Variants in CDC42EP4 observed in about 807,000 individuals in gnomAD.
The protein encoded by CDC42EP4 is CDC42 effector protein 4, also known as CDC42 effector protein (Rho GTPase binding) 4.
CDC42EP4 carries 6 observed loss-of-function variants against 5.6 expected under a neutral mutation model. That is an observed-to-expected ratio of 1.07 (90% CI 0.59 to 2.12). CDC42EP4 has a LOEUF of 2.12. Among genes scored for constraint, CDC42EP4 ranks in the 30% most tolerant of loss-of-function variants. The pLI is 0.00. For missense variants in CDC42EP4, 490 were observed against 508.6 expected (o/e 0.96, Z 0.35); for synonymous variants, 230 against 224.2 (o/e 1.03, Z -0.23).
chr17:73,300,142 C>G (rs890019157), intron 1 of CDC42EP4, among the ~76,000 whole-genome samples: 1 of 152,184 alleles, frequency 6.6e-6, no homozygotes, highest in African/African-American at 2.4e-5. Flanking sequence ...GCCCGCGTGC[C>G]AATCCATGCC....
In CDC42EP4 at chr17:73,303,085, T is replaced by C. The variant is rs1345044535; in HGVS notation, c.-113+8808A>G. Among the ~76,000 whole-genome samples, 6 of 149,780 alleles carry C rather than the reference T, an allele frequency of 4.0e-5. No homozygotes were observed. In the East Asian group the frequency reaches 1.2e-3, roughly 29 times the overall value. On this transcript the variant is annotated intron_variant, in intron 1 of 1. Coordinates refer to ENST00000335793, the MANE Select transcript of CDC42EP4 (RefSeq NM_012121.5). ...TTGGCCAGGCGCGGTGGCTCACGCC[T>C]GTAATCCCAGAACTTTGGGAGGCTG...
rs757179753 is a variant in CDC42EP4, at chr17:73,285,966, G to C, written c.535C>G (p.Leu179Val). The change falls in exon 2 of 2, where the codon CTC becomes GTC. Residue 179 changes from leucine to valine, a missense_variant. Leu to Val is a conservative substitution (Grantham distance 32). Coordinates refer to ENST00000335793, the MANE Select transcript of CDC42EP4 (RefSeq NM_012121.5). This position sits in a 1 kb window ranked among gnomAD's most constrained non-coding sequence, Gnocchi z 6.8. ...AAGPHSPDPL[L>V]DEQAFGDLTD... ...AGATCCCCAAAGGCCTGCTCATCGA[G>C]GAGGGGGTCAGGGGAATGTGGACCC... The C allele has an allele frequency of 2.5e-6, 4 of 1,613,716 alleles. No homozygotes were observed. The highest frequency in any genetic ancestry group is 2.5e-6 in the Non-Finnish European group (3 of 1,179,972).
intron 1 of CDC42EP4, among the ~76,000 whole-genome samples, chr17:73,293,446 GA>G: frequency 6.6e-6 from 1 of 151,182 alleles, no homozygotes; most frequent in African/African-American, 2.4e-5. Flanking sequence ...GAAAAGACAG[GA>G]TCAAATGGGA....
At chr17:73,308,782 C>T (rs750562407) in intron 1 of CDC42EP4, among the ~76,000 whole-genome samples, 1 of 151,876 alleles carries the variant, frequency 6.6e-6, no homozygotes, top group Non-Finnish European at 1.5e-5. Context: ...CGCCTGTAAT[C>T]CCGGCTCTTG....
chr17:73,301,663 C>T (rs1348103532), intron 1 of CDC42EP4, among the ~76,000 whole-genome samples: 2 of 151,820 alleles, frequency 1.3e-5, no homozygotes, highest in Non-Finnish European at 2.9e-5. Flanking sequence ...TCTTGTGCTT[C>T]AGCCTCCCAA....
At position 73,286,220 on chromosome 17, in the gene CDC42EP4, CT is replaced by C. The variant is rs778735877; in HGVS notation, c.280del (p.Arg94GlyfsTer51). On this transcript the variant is annotated frameshift_variant, in exon 2 of 2. Coordinates refer to ENST00000335793, the MANE Select transcript of CDC42EP4 (RefSeq NM_012121.5). LOFTEE classifies it low-confidence loss of function (END_TRUNC). The surrounding 1 kb of genome is among the most constrained non-coding windows in gnomAD (Gnocchi z 7.7). ...CATGTCACGCTGCTCCCGCTCCCCC[CT>C]GGTCACCGACTGTGACCGCTTGCTG... is the stretch of plus-strand genomic sequence containing the variant. Reference protein sequence around the residue: ...RGSKRSQSVTRGEREQRDMLG... With the variant: ...RGSKRSQSVTXGEREQRDMLG... 9 of 1,614,090 alleles carry C rather than the reference CT, an allele frequency of 5.6e-6. No individual in the cohort carries two copies. Among genetic ancestry groups the C allele is most frequent in the South Asian group, 3.3e-5 (3 of 91,094 alleles).
chr17:73,285,733 G>A lies in CDC42EP4; in HGVS notation c.768C>T (p.Ala256=), dbSNP rs3751929. Residue 256 remains alanine (A), a synonymous_variant, in exon 2 of 2, where the codon GCC becomes GCT. Coordinates refer to ENST00000335793, the MANE Select transcript of CDC42EP4 (RefSeq NM_012121.5). This position sits in a 1 kb window ranked among gnomAD's most constrained non-coding sequence, Gnocchi z 6.8. The part of the protein sequence containing the change: ...AGTITQAPPY[A]VAAPPLARQE... Reference sequence around the variant, plus strand: ...GCCTTGCCAGGGGAGGGGCCGCCACGGCGTACGGGGGAGCCTGGGTGATGG... The same window carrying A: ...GCCTTGCCAGGGGAGGGGCCGCCACAGCGTACGGGGGAGCCTGGGTGATGG... 152 of 1,578,938 alleles carry A rather than the reference G, an allele frequency of 9.6e-5. No individual in the cohort carries two copies. In the East Asian group the frequency reaches 2.9e-3, roughly 31 times the overall value.
chr17:73,292,696 G>A (rs1045626070), intron 1 of CDC42EP4, among the ~76,000 whole-genome samples: 8 of 152,216 alleles, frequency 5.3e-5, no homozygotes, highest in African/African-American at 9.6e-5. Context: ...GGTCAGAAGC[G>A]ACCCAGGCAG....
intron 1 of CDC42EP4, among the ~76,000 whole-genome samples, chr17:73,302,938 G>A (rs947654333): frequency 5.3e-5 from 8 of 150,972 alleles, no homozygotes; most frequent in African/African-American, 2.0e-4. Context: ...CAGCTACTCG[G>A]GAGGCTGAGG....
intron 1 of CDC42EP4, among the ~76,000 whole-genome samples, chr17:73,290,029 C>T (rs1337883578): frequency 6.6e-6 from 1 of 152,232 alleles, no homozygotes; most frequent in Non-Finnish European, 1.5e-5. Context: ...CAGGCTTCTA[C>T]TGCCACCAGC....
chr17:73,295,297 C>T (rs73360807), intron 1 of CDC42EP4, among the ~76,000 whole-genome samples: 3,099 of 152,240 alleles, frequency 0.02, 102 homozygotes, highest in African/African-American at 0.071. Context: ...GGGAGCCGGG[C>T]GGTGCTGGAG....
intron 1 of CDC42EP4, among the ~76,000 whole-genome samples, chr17:73,290,340 A>C (rs2062155729): frequency 6.6e-6 from 1 of 152,176 alleles, no homozygotes; most frequent in South Asian, 2.1e-4. Context: ...CCGACCACTG[A>C]GTGCTCCTCC....
chr17:73,292,021 G>A (rs1034175817), intron 1 of CDC42EP4, among the ~76,000 whole-genome samples: 5 of 152,198 alleles, frequency 3.3e-5, no homozygotes, highest in African/African-American at 4.8e-5. Flanking sequence ...AAGGACAGAC[G>A]GGACCAACAC....
chr17:73,290,044 ACAC>A (rs2062154526), intron 1 of CDC42EP4, among the ~76,000 whole-genome samples: 2 of 152,316 alleles, frequency 1.3e-5, no homozygotes, highest in South Asian at 2.1e-4. Flanking sequence ...ACCAGCAGGG[ACAC>A]CAGTCAGGAA....
rs932343302 is a variant in CDC42EP4 at position 73,285,524 on chromosome 17, C to G, written c.977G>C (p.Arg326Pro). ...AGCAGCCCGGGCCCTGTCCGGCCCC[C>G]GGAAGGCAGGGCTGCGCTCCTCCAG... The part of the protein sequence containing the change: ...GILEERSPAF[R>P]GPDRARAAVS... Residue 326 changes from arginine (R) to proline (P), a missense_variant, in exon 2 of 2, where the codon CGG (arginine) becomes CCG (proline). Transcript: ENST00000335793. The surrounding 1 kb of genome is among the most constrained non-coding windows in gnomAD (Gnocchi z 6.8). 3 of 1,610,326 alleles carry G rather than the reference C, an allele frequency of 1.9e-6. No homozygotes were observed. The East Asian group carries it at 6.7e-5, about 36-fold the overall frequency.
At chr17:73,310,417 C>A (rs938233798) in intron 1 of CDC42EP4, among the ~76,000 whole-genome samples, 1 of 152,038 alleles carries the variant, frequency 6.6e-6, no homozygotes, top group African/African-American at 2.4e-5. Flanking sequence ...GAGAGATTTT[C>A]CCTCCAGCAC....
At chr17:73,311,113 C>T (rs2062272585) in intron 1 of CDC42EP4, 1 of 152,326 alleles carries the variant, frequency 6.6e-6, no homozygotes, top group Non-Finnish European at 1.5e-5. Flanking sequence ...GCCGTCTCCC[C>T]GGCTCCAAGG....
rs113061375 is a variant in CDC42EP4 at position 73,286,647 on chromosome 17, C to T, written c.-112-35G>A. 1.2e-4 allele frequency: 75 copies of T among 630,860 alleles called. No homozygotes were observed. The highest frequency in any genetic ancestry group is 1.1e-3 in the African/African-American group (59 of 54,528). 39.1% of individuals were successfully genotyped at this position (630,860 alleles called of 1,614,324 possible). A position where few individuals can be genotyped will look rare whatever the true frequency, so the allele number is the denominator to read the frequency against. On this transcript the variant is annotated intron_variant, in intron 1 of 1. Transcript: ENST00000335793. The surrounding 1 kb of genome is among the most constrained non-coding windows in gnomAD (Gnocchi z 7.7). ...GAGAATGAGAGGCAAAGGATTAACGCGGGCTGGCCACACGGCACAAAAGCC... is the reference window on the plus strand; with the variant it reads ...GAGAATGAGAGGCAAAGGATTAACGTGGGCTGGCCACACGGCACAAAAGCC...
intron 1 of CDC42EP4, among the ~76,000 whole-genome samples, chr17:73,301,508 G>C (rs2062219090): frequency 6.6e-6 from 1 of 152,134 alleles, no homozygotes; most frequent in African/African-American, 2.4e-5. Context: ...ATTTTCAGTT[G>C]AAACTCTGTA....
Sources: allele counts gnomAD v4.1 joint callset (sites outside exome capture counted in the v4.1 genomes callset), GRCh38; gene constraint gnomAD v4.1.1; non-coding constraint Gnocchi (gnomAD v3.1); transcripts MANE v1.5; gene names NCBI Gene and HGNC (gene_info 2026-07-23, HGNC 2026-07-21).